PRKN: variants seen among roughly 807,000 people sequenced by gnomAD.
The protein encoded by PRKN is parkin RBR E3 ubiquitin protein ligase.
In PRKN, 56 loss-of-function variants were observed where a neutral mutation model predicts 59.5. The ratio of observed to expected loss-of-function variants is 0.94; its 90% CI spans 0.76 to 1.18. The LOEUF (loss-of-function observed/expected upper bound fraction) is 1.18. PRKN is among the 50% of genes most tolerant of loss of function. The probability of loss-of-function intolerance (pLI) is 0.00; values close to 1 mark genes in which losing one functional copy is unlikely to be tolerated. For synonymous variants in PRKN, 250 were observed against 222.1 expected (o/e 1.13, Z -1.12); for missense variants, 657 against 596.4 (o/e 1.10, Z -1.06).
intron 9 of PRKN, among the ~76,000 whole-genome samples, chr6:161,515,402 G>T (rs1263373865): frequency 2.6e-5 from 4 of 152,202 alleles, no homozygotes; most frequent in Non-Finnish European, 5.9e-5. Context: ...TGTACTCATA[G>T]TAAATGTAAT....
intron 4 of PRKN, among the ~76,000 whole-genome samples, chr6:162,187,035 A>G (rs1055952197): frequency 1.3e-5 from 2 of 152,210 alleles, no homozygotes; most frequent in East Asian, 1.9e-4. Flanking sequence ...TTGTTGGTAT[A>G]GTTATATTGG....
chr6:162,340,842 T>G (rs1307423247), intron 2 of PRKN, among the ~76,000 whole-genome samples: 1 of 152,196 alleles, frequency 6.6e-6, no homozygotes, highest in Non-Finnish European at 1.5e-5. Flanking sequence ...GCAATACCTT[T>G]CAGGACATAA....
intron 5 of PRKN, among the ~76,000 whole-genome samples, chr6:162,024,194 CTTTTT>C (rs111595639): frequency 2.4e-5 from 2 of 82,080 alleles, no homozygotes; most frequent in East Asian, 8.6e-4. Context: ...TCCCCCAACC[CTTTTT>C]TTTTTTTTTT....
intron 2 of PRKN, among the ~76,000 whole-genome samples, chr6:162,342,042 T>C (rs965371022): frequency 1.3e-5 from 2 of 152,188 alleles, no homozygotes; most frequent in Admixed American, 1.3e-4. Context: ...CTAATTGGTA[T>C]AGTGACTCTT....
chr6:162,216,711 C>A (rs1212939903), intron 3 of PRKN, among the ~76,000 whole-genome samples: 1 of 152,054 alleles, frequency 6.6e-6, no homozygotes, highest in Non-Finnish European at 1.5e-5. Context: ...AGCCACACGG[C>A]CACACAGCCA....
chr6:161,664,919 G>C (rs550873028), intron 7 of PRKN, among the ~76,000 whole-genome samples: 1 of 151,618 alleles, frequency 6.6e-6, no homozygotes, highest in Admixed American at 6.6e-5. Flanking sequence ...CTCCCGAGTA[G>C]CTGGGATTAC....
chr6:161,675,085 C>G (rs1443862765), intron 7 of PRKN, among the ~76,000 whole-genome samples: 2 of 152,174 alleles, frequency 1.3e-5, no homozygotes, highest in Non-Finnish European at 2.9e-5. Context: ...CATTCTTTTC[C>G]CCTGGAGTCA....
intron 3 of PRKN, among the ~76,000 whole-genome samples, chr6:162,231,185 T>G (rs1778406937): frequency 6.6e-6 from 1 of 152,168 alleles, no homozygotes; most frequent in Non-Finnish European, 1.5e-5. Flanking sequence ...AAAGAAAATA[T>G]TTCAGAGAGC....
intron 2 of PRKN, among the ~76,000 whole-genome samples, chr6:162,271,015 A>AG (rs1780359278): frequency 9.5e-6 from 1 of 105,796 alleles, no homozygotes; most frequent in African/African-American, 5.0e-5. Context: ...CTAATTTTCT[A>AG]GTTTTTTTTT....
At chr6:162,667,573 T>A (rs1779148428) in intron 1 of PRKN, among the ~76,000 whole-genome samples, 1 of 152,142 alleles carries the variant, frequency 6.6e-6, no homozygotes, top group South Asian at 2.1e-4. Context: ...AAGTTTCATG[T>A]GGAGTGACTC....
chr6:161,648,367 T>C (rs1315063678), intron 7 of PRKN, among the ~76,000 whole-genome samples: 6 of 152,146 alleles, frequency 3.9e-5, no homozygotes, highest in Non-Finnish European at 7.4e-5. Context: ...TCCCAGTATA[T>C]AAGCCATCAA....
intron 4 of PRKN, among the ~76,000 whole-genome samples, chr6:162,161,117 A>G (rs921032184): frequency 1.3e-5 from 2 of 152,182 alleles, no homozygotes; most frequent in African/African-American, 4.8e-5. Flanking sequence ...TTCTAAGAAC[A>G]CTGGATGAGA....
intron 2 of PRKN, among the ~76,000 whole-genome samples, chr6:162,337,291 ACCTCCCC>A (rs1783887775): frequency 6.6e-6 from 1 of 152,004 alleles, no homozygotes; most frequent in African/African-American, 2.4e-5. Flanking sequence ...AAGTTATCTC[ACCTCCCC>A]CATCCTCACA....
chr6:161,775,992 C>A (rs1789907836), intron 7 of PRKN, among the ~76,000 whole-genome samples: 1 of 152,084 alleles, frequency 6.6e-6, no homozygotes, highest in African/African-American at 2.4e-5. Flanking sequence ...AAACAAAAAA[C>A]AAAAGGCAAA....
chr6:161,646,560 G>A (rs1273846521), intron 7 of PRKN, among the ~76,000 whole-genome samples: 132 of 86,784 alleles, frequency 1.5e-3, no homozygotes, highest in East Asian at 3.5e-3. Context: ...GAGGTGGCGT[G>A]TCAGTGAGAG....
chr6:161,885,122 A>T (rs544658041), intron 6 of PRKN, among the ~76,000 whole-genome samples: 1 of 148,708 alleles, frequency 6.7e-6, no homozygotes, highest in Admixed American at 6.8e-5. Context: ...GATTTGAAAG[A>T]AAGAAGAAAA....
chr6:161,897,366 C>G (rs746849392), intron 6 of PRKN, among the ~76,000 whole-genome samples: 1 of 152,146 alleles, frequency 6.6e-6, no homozygotes, highest in Non-Finnish European at 1.5e-5. Flanking sequence ...GATATGCGGT[C>G]ACCTTATTTA....
chr6:161,519,558 T>C (rs1778744651), intron 9 of PRKN, among the ~76,000 whole-genome samples: 1 of 152,138 alleles, frequency 6.6e-6, no homozygotes, highest in African/African-American at 2.4e-5. Context: ...AAGGAGAATG[T>C]GGGCTGGAGA....
At chr6:162,594,146 T>C (rs1426079903) in intron 1 of PRKN, among the ~76,000 whole-genome samples, 1 of 151,696 alleles carries the variant, frequency 6.6e-6, no homozygotes, top group Non-Finnish European at 1.5e-5. Flanking sequence ...CAAGACTCTC[T>C]CAAAAACAAA....
Sources: gnomAD v4.1 joint callset for allele counts (sites outside exome capture counted in the v4.1 genomes callset) on GRCh38, gnomAD v4.1.1 for gene constraint, MANE v1.5 for transcripts, NCBI Gene and HGNC (gene_info 2026-07-23, HGNC 2026-07-21) for gene names.